Variants in GMDS observed in about 807,000 individuals in gnomAD.
The protein encoded by GMDS is GDP-mannose 4,6-dehydratase, also known as GDP-mannose 4,6 dehydratase.
GMDS carries 20 observed loss-of-function variants against 49.9 expected under a neutral mutation model. The observed-to-expected ratio is 0.40, with a 90% confidence interval of 0.28 to 0.58. GMDS has a LOEUF of 0.58. Ranked by LOEUF, GMDS falls within the 20% of genes least tolerant of loss-of-function variation. The pLI is 0.42. For missense variants in GMDS, 362 were observed against 481.4 expected, an observed-to-expected ratio of 0.75 and a Z score of 2.32; for synonymous variants, 177 against 178.6, an observed-to-expected ratio of 0.99 and a Z score of 0.07.
chr6:2,230,870 A>G (rs1024646994), intron 1 of GMDS, among the ~76,000 whole-genome samples: 3 of 151,454 alleles, frequency 2.0e-5, no homozygotes, highest in African/African-American at 7.3e-5. Context: ...TCCTCAAAAA[A>G]AAACCCCAAA....
intron 4 of GMDS, among the ~76,000 whole-genome samples, chr6:2,051,995 T>C (rs1770427441): frequency 6.6e-6 from 1 of 151,674 alleles, no homozygotes. Flanking sequence ...CAAGCACCTG[T>C]AATCCCAGCT....
At chr6:2,098,396 A>C (rs1412555808) in intron 4 of GMDS, among the ~76,000 whole-genome samples, 1 of 152,228 alleles carries the variant, frequency 6.6e-6, no homozygotes, top group Non-Finnish European at 1.5e-5. Context: ...AAATAAGGAA[A>C]ATTTAGTAAT....
At chr6:1,767,800 A>G (rs1768416523) in intron 7 of GMDS, among the ~76,000 whole-genome samples, 1 of 152,190 alleles carries the variant, frequency 6.6e-6, no homozygotes, top group Admixed American at 6.5e-5. Flanking sequence ...AATTAGCATG[A>G]GATAACTTTG....
intron 7 of GMDS, among the ~76,000 whole-genome samples, chr6:1,857,340 C>G (rs1757983676): frequency 6.6e-6 from 1 of 152,206 alleles, no homozygotes; most frequent in Admixed American, 6.5e-5. Context: ...ACCTGGGTGA[C>G]AGCTTCCAAA....
intron 4 of GMDS, among the ~76,000 whole-genome samples, chr6:2,030,700 G>A (rs2127416174): frequency 6.6e-6 from 1 of 152,160 alleles, no homozygotes; most frequent in Middle Eastern, 3.4e-3. Context: ...TTTTTAAGTA[G>A]TACAGTTGAC....
rs1581581822 is a variant in GMDS, at chr6:2,055,733, A to G, written c.345+60038T>C. Among the ~76,000 whole-genome samples the G allele has an allele frequency of 2.6e-5, 4 of 152,258 alleles. No homozygotes were observed. The East Asian group carries it at 7.7e-4, about 29-fold the overall frequency. ...ACAGAACTGTAGATTAAATATCAGG[A>G]TAGTCAGTATAGCACAGTGGTTATT... On this transcript the variant is annotated intron_variant, in intron 4 of 10. Coordinates refer to ENST00000380815, the MANE Select transcript of GMDS (RefSeq NM_001500.4).
chr6:1,963,077 A>T (rs901601466), intron 4 of GMDS, among the ~76,000 whole-genome samples: 2 of 151,178 alleles, frequency 1.3e-5, no homozygotes, highest in African/African-American at 4.9e-5. Flanking sequence ...TGGTTTCACC[A>T]TGTTGACTAG....
intron 4 of GMDS, among the ~76,000 whole-genome samples, chr6:2,063,994 G>A (rs561248693): frequency 4.1e-4 from 62 of 152,316 alleles, no homozygotes; most frequent in Non-Finnish European, 4.7e-4. Flanking sequence ...ATGCCCAAGT[G>A]TCGGGCAAAT....
chr6:2,130,800 T>G lies in GMDS; in HGVS notation c.103-6069A>C, dbSNP rs369879097. 1.3e-4 allele frequency among the ~76,000 whole-genome samples: 19 copies of G among 147,112 alleles called. No homozygotes were observed. In the East Asian group the frequency reaches 2.1e-3, roughly 16 times the overall value. ...TAAAAAATATCAAACAGGGAAGAAA[T>G]GCCCTAAAAGATTAATTTAAAAAAA... On this transcript the variant is annotated intron_variant, in intron 1 of 10. Coordinates refer to ENST00000380815, the MANE Select transcript of GMDS (RefSeq NM_001500.4).
chr6:2,139,176 C>A (rs1488864862), intron 1 of GMDS, among the ~76,000 whole-genome samples: 1 of 152,194 alleles, frequency 6.6e-6, no homozygotes, highest in Non-Finnish European at 1.5e-5. Context: ...TAACCAAGAA[C>A]TTCTTGTACC....
At chr6:2,217,253 G>C (rs558197125) in intron 1 of GMDS, among the ~76,000 whole-genome samples, 33 of 152,116 alleles carry the variant, frequency 2.2e-4, no homozygotes, top group African/African-American at 7.2e-4. Flanking sequence ...TTCCTGGCCT[G>C]CCCTGCTTAA....
rs536400633 is a variant in GMDS at position 2,069,741 on chromosome 6, T to C, written c.345+46030A>G. ...AGATACCATCTCACACCAGTTAGAA[T>C]GGCAATCATTAAAAAGTCAAGAAAC... is the stretch of plus-strand genomic sequence containing the variant. On this transcript the variant is annotated intron_variant, in intron 4 of 10. Transcript: ENST00000380815. Among the ~76,000 whole-genome samples, 30 of 152,228 alleles carry C rather than the reference T, an allele frequency of 2.0e-4. No individual in the cohort carries two copies. In the East Asian group the frequency reaches 5.6e-3, roughly 28 times the overall value.
intron 6 of GMDS, chr6:1,951,849 C>T (rs924950720): frequency 2.7e-5 from 26 of 961,422 alleles, no homozygotes; most frequent in Middle Eastern, 1.1e-3. Flanking sequence ...AGGAATATTG[C>T]CTTTAAGCAA....
intron 4 of GMDS, among the ~76,000 whole-genome samples, chr6:2,028,996 TTTC>T (rs1768789556): frequency 9.2e-5 from 13 of 141,580 alleles, no homozygotes; most frequent in Non-Finnish European, 9.0e-5. Flanking sequence ...TTTTTCTTTC[TTTC>T]TTTTTTTTTT....
At chr6:2,054,819 C>CA (rs540712108) in intron 4 of GMDS, among the ~76,000 whole-genome samples, 116 of 150,566 alleles carry the variant, frequency 7.7e-4, no homozygotes, top group South Asian at 1.5e-3. Context: ...CAAAACAAAA[C>CA]AAAAAAAACC....
chr6:1,674,732 T>C (rs1384231798), intron 9 of GMDS, among the ~76,000 whole-genome samples: 2 of 146,682 alleles, frequency 1.4e-5, no homozygotes, highest in Admixed American at 1.4e-4. Flanking sequence ...TTTTTTTTAA[T>C]AGAGATGGAT....
chr6:2,211,515 C>T (rs1780060422), intron 1 of GMDS, among the ~76,000 whole-genome samples: 1 of 151,900 alleles, frequency 6.6e-6, no homozygotes, highest in Admixed American at 6.6e-5. Context: ...AACATCTGCC[C>T]TATATGTTTT....
At chr6:1,863,985 C>T (rs934703610) in intron 7 of GMDS, among the ~76,000 whole-genome samples, 1 of 152,010 alleles carries the variant, frequency 6.6e-6, no homozygotes, top group Non-Finnish European at 1.5e-5. Context: ...AAAGTGTGGC[C>T]ATTTTCAATT....
In GMDS at chr6:2,230,599, T is replaced by C. The variant is rs183963893; in HGVS notation, c.102+14722A>G. Among the ~76,000 whole-genome samples, 6 of 152,292 alleles carry C rather than the reference T, an allele frequency of 3.9e-5. No individual in the cohort carries two copies. In the East Asian group the frequency reaches 9.7e-4, roughly 24 times the overall value. Reference sequence around the variant, plus strand: ...CTTAAATAGGTTAAAACCTATATGTTCAAACAGTAAATATTAAAAGACAAC... The same window carrying C: ...CTTAAATAGGTTAAAACCTATATGTCCAAACAGTAAATATTAAAAGACAAC... On this transcript the variant is annotated intron_variant, in intron 1 of 10. Coordinates refer to ENST00000380815, the MANE Select transcript of GMDS (RefSeq NM_001500.4).
Sources: gnomAD v4.1 joint callset for allele counts (sites outside exome capture counted in the v4.1 genomes callset) on GRCh38, gnomAD v4.1.1 for gene constraint, MANE v1.5 for transcripts, NCBI Gene and HGNC (gene_info 2026-07-23, HGNC 2026-07-21) for gene names.